CNTNAP5: variants seen among roughly 807,000 people sequenced by gnomAD.
The protein encoded by CNTNAP5 is contactin-associated protein-like 5.
CNTNAP5 carries 72 observed loss-of-function variants against 150.2 expected under a neutral mutation model. The ratio of observed to expected loss-of-function variants is 0.48; its 90% CI spans 0.40 to 0.58. The LOEUF (loss-of-function observed/expected upper bound fraction) is 0.58. Among genes scored for constraint, CNTNAP5 ranks in the 20% least tolerant of loss-of-function variants. CNTNAP5 has a pLI of 0.00. For synonymous variants in CNTNAP5, 672 were observed against 619.8 expected (o/e 1.08, Z -1.25); for missense variants, 1,636 against 1,626.2 (o/e 1.01, Z -0.10).
chr2:124,342,344 G>C lies in CNTNAP5; in HGVS notation c.382-75099G>C, dbSNP rs570621224. On this transcript the variant is annotated intron_variant, in intron 3 of 23. Transcript: ENST00000682447. ...ATACCTGTAGATTTGGGTTAATCCT[G>C]CTCTTCTCAGTAAAGTTCTCAAACT... Among the ~76,000 whole-genome samples the C allele has an allele frequency of 1.7e-4, 26 of 152,198 alleles. No individual in the cohort carries two copies. In the East Asian group the frequency reaches 5.0e-3, roughly 30 times the overall value.
intron 3 of CNTNAP5, among the ~76,000 whole-genome samples, chr2:124,259,635 T>C (rs1253637456): frequency 6.6e-6 from 1 of 152,200 alleles, no homozygotes; most frequent in Non-Finnish European, 1.5e-5. Flanking sequence ...TTCATGTGTC[T>C]TTTGGCTGCA....
At chr2:124,116,371 G>A (rs1019685566) in intron 1 of CNTNAP5, among the ~76,000 whole-genome samples, 1 of 152,318 alleles carries the variant, frequency 6.6e-6, no homozygotes, top group Non-Finnish European at 1.5e-5. Flanking sequence ...GTGAAGAAGG[G>A]TATCGGGTAA....
chr2:124,388,401 G>A (rs1190400299), intron 3 of CNTNAP5, among the ~76,000 whole-genome samples: 1 of 152,214 alleles, frequency 6.6e-6, no homozygotes, highest in Non-Finnish European at 1.5e-5. Flanking sequence ...CGGTTCTGCA[G>A]GGATCTCTGA....
rs912230633 is a variant in CNTNAP5, at chr2:124,830,576, C to T, written c.3217+32256C>T. 2.3e-4 allele frequency among the ~76,000 whole-genome samples: 35 copies of T among 151,870 alleles called. 1 individual carries two copies. The highest frequency in any genetic ancestry group is 2.0e-3 in the Admixed American group (31 of 15,222). ...ACTATATAATAGAGGAATGTAAACA[C>T]AAAACTAGTACCTTGAGCAGAGGGA... is the stretch of plus-strand genomic sequence containing the variant. On this transcript the variant is annotated intron_variant, in intron 19 of 23. Transcript: ENST00000682447.
rs149946433 is a variant in CNTNAP5 at position 124,874,840 on chromosome 2, C to A, written c.3436+5078C>A. Among the ~76,000 whole-genome samples, 308 of 152,050 alleles carry A rather than the reference C, an allele frequency of 2.0e-3. 2 individuals carry two copies. The highest frequency in any genetic ancestry group is 6.8e-3 in the African/African-American group (282 of 41,510). Reference sequence around the variant, plus strand: ...CTGATAGCATTATTTTTTTATGCAGCCAACGTTTGTTAATCTCCTACTTGC... The same window carrying A: ...CTGATAGCATTATTTTTTTATGCAGACAACGTTTGTTAATCTCCTACTTGC... On this transcript the variant is annotated intron_variant, in intron 21 of 23. Coordinates refer to ENST00000682447, the MANE Select transcript of CNTNAP5 (RefSeq NM_001367498.1).
chr2:124,737,395 T>C (rs1279440177), intron 13 of CNTNAP5, among the ~76,000 whole-genome samples: 1 of 151,820 alleles, frequency 6.6e-6, no homozygotes, highest in Non-Finnish European at 1.5e-5. Context: ...GTGAAAGACA[T>C]CAGCCTCTAT....
chr2:124,245,615 A>T (rs917398364), intron 3 of CNTNAP5, among the ~76,000 whole-genome samples: 1 of 151,292 alleles, frequency 6.6e-6, no homozygotes, highest in Non-Finnish European at 1.5e-5. Context: ...ATATATATGC[A>T]TGTGTGTGTA....
At chr2:124,651,243 G>A (rs1012478624) in intron 13 of CNTNAP5, among the ~76,000 whole-genome samples, 2 of 152,184 alleles carry the variant, frequency 1.3e-5, no homozygotes, top group Admixed American at 6.5e-5. Context: ...TAGACGTTAT[G>A]AAAAATTATA....
At chr2:124,133,337 A>AT (rs1474317754) in intron 1 of CNTNAP5, among the ~76,000 whole-genome samples, 1 of 152,158 alleles carries the variant, frequency 6.6e-6, no homozygotes. Flanking sequence ...GAGAGTCCCT[A>AT]TAGCTTCTTC....
Position 124,909,395 on chromosome 2 carries a change from C to T in CNTNAP5, c.3656-2072C>T, listed in dbSNP as rs563044324. Among the ~76,000 whole-genome samples, 3 of 152,202 alleles carry T rather than the reference C, an allele frequency of 2.0e-5. No individual in the cohort carries two copies. In the East Asian group the frequency reaches 5.8e-4, roughly 30 times the overall value. The stretch of plus-strand genomic sequence containing the variant: ...AGCCTAGGTGTGTCATAGGCTGTAC[C>T]ACCTAGGATTGTGTGAGCACACTCT... On this transcript the variant is annotated intron_variant, in intron 22 of 23. Transcript: ENST00000682447.
intron 1 of CNTNAP5, among the ~76,000 whole-genome samples, chr2:124,182,808 G>A (rs1055001994): frequency 6.6e-6 from 1 of 152,152 alleles, no homozygotes; most frequent in African/African-American, 2.4e-5. Context: ...TAGTACCCAT[G>A]AAGCTACCTT....
At chr2:124,134,236 C>T (rs7606691) in intron 1 of CNTNAP5, among the ~76,000 whole-genome samples, 20,266 of 151,960 alleles carry the variant, frequency 0.13, 1,432 homozygotes, top group Middle Eastern at 0.23. Context: ...CTAATCCTAC[C>T]CTCATTTTCT....
chr2:124,140,046 G>A (rs1345381833), intron 1 of CNTNAP5, among the ~76,000 whole-genome samples: 2 of 152,120 alleles, frequency 1.3e-5, no homozygotes, highest in African/African-American at 2.4e-5. Context: ...CTGGAAAATC[G>A]GGTCACTCCC....
In CNTNAP5 at chr2:124,914,193, G is replaced by A. The variant is rs536094106; in HGVS notation, c.3829G>A (p.Glu1277Lys). The A allele has an allele frequency of 1.2e-6, 2 of 1,612,474 alleles. No individual in the cohort carries two copies. Among genetic ancestry groups the A allele is most frequent in the Non-Finnish European group, 1.7e-6 (2 of 1,179,014 alleles). ...GTCACATCGTACGAGCCAGATGAAGGAGAAGGAATATCCAGAAAATTTGGA... is the reference window on the plus strand; with the variant it reads ...GTCACATCGTACGAGCCAGATGAAGAAGAAGGAATATCCAGAAAATTTGGA... ...KQSHRTSQMK[E>K]KEYPENLDSS... The change falls in exon 24 of 24, where the codon GAG becomes AAG. Residue 1277 changes from glutamate (E) to lysine (K), a missense_variant. Transcript: ENST00000682447.
At position 124,919,520 on chromosome 2, in the gene CNTNAP5, T is replaced by C. The variant is rs1678832416; in HGVS notation, c.*5232T>C. Among the ~76,000 whole-genome samples the C allele has an allele frequency of 6.6e-6, 1 of 152,076 alleles. No homozygotes were observed. The highest frequency in any genetic ancestry group is 2.4e-5 in the African/African-American group (1 of 41,434). ...CTTGACGAGGAGGAAGAGGGGCCAGTGGCAGTAATTGGTGGCCATCTGAGG... is the reference window on the plus strand; with the variant it reads ...CTTGACGAGGAGGAAGAGGGGCCAGCGGCAGTAATTGGTGGCCATCTGAGG... On this transcript the variant is annotated 3_prime_UTR_variant, in exon 24 of 24. Coordinates refer to ENST00000682447, the MANE Select transcript of CNTNAP5 (RefSeq NM_001367498.1).
chr2:124,335,170 C>CA (rs748332041), intron 3 of CNTNAP5, among the ~76,000 whole-genome samples: 2 of 152,086 alleles, frequency 1.3e-5, no homozygotes, highest in Non-Finnish European at 2.9e-5. Context: ...ACAGACCTGT[C>CA]AATCTATGAC....
intron 21 of CNTNAP5, among the ~76,000 whole-genome samples, chr2:124,879,263 T>C (rs1209303548): frequency 6.6e-6 from 1 of 152,224 alleles, no homozygotes; most frequent in East Asian, 1.9e-4. Flanking sequence ...TGCTACTGTA[T>C]TGGCAGACAC....
intron 5 of CNTNAP5, among the ~76,000 whole-genome samples, chr2:124,436,028 C>T (rs958117888): frequency 5.9e-5 from 9 of 152,106 alleles, no homozygotes; most frequent in Admixed American, 1.3e-4. Context: ...GAATGTTGGG[C>T]GTCCAAATAC....
At chr2:124,856,088 G>GTT (rs1226780866) in intron 19 of CNTNAP5, among the ~76,000 whole-genome samples, 1 of 151,470 alleles carries the variant, frequency 6.6e-6, no homozygotes, top group East Asian at 1.9e-4. Flanking sequence ...GTGTGTGTGT[G>GTT]TGTGTGTGTG....
Sources: allele counts gnomAD v4.1 joint callset (sites outside exome capture counted in the v4.1 genomes callset), GRCh38; gene constraint gnomAD v4.1.1; transcripts MANE v1.5; gene names NCBI Gene and HGNC (gene_info 2026-07-23, HGNC 2026-07-21).